The following OSBPL3 variants were observed in gnomAD, a reference collection of about 807,000 sequenced individuals.
OSBPL3 encodes oxysterol-binding protein-related protein 3.
A neutral mutation model predicts 120.1 loss-of-function variants in OSBPL3; 65 were observed. The ratio of observed to expected loss-of-function variants is 0.54; its 90% CI spans 0.44 to 0.67. The LOEUF is 0.67. Among genes scored for constraint, OSBPL3 ranks in the 30% least tolerant of loss-of-function variants. The pLI is 0.00. For synonymous variants in OSBPL3, 416 were observed against 402.6 expected, an observed-to-expected ratio of 1.03 and a Z score of -0.40; for missense variants, 1,004 against 1,082.1, an observed-to-expected ratio of 0.93 and a Z score of 1.01.
chr7:24,911,311 CGGAAGCTT>C (rs1808789839), intron 1 of OSBPL3, among the ~76,000 whole-genome samples: 1 of 152,140 alleles, frequency 6.6e-6, no homozygotes, highest in Non-Finnish European at 1.5e-5. Context: ...CAACTGCTTG[CGGAAGCTT>C]GGTAGAGTTT....
intron 10 of OSBPL3, among the ~76,000 whole-genome samples, chr7:24,856,494 G>A (rs1171006212): frequency 6.6e-6 from 1 of 152,152 alleles, no homozygotes; most frequent in African/African-American, 2.4e-5. Context: ...GGAGAAAGTA[G>A]TTATGAATGC....
rs539975270 is a variant in OSBPL3, at chr7:24,894,553, T to C, written c.-149-1932A>G. On this transcript the variant is annotated intron_variant, in intron 1 of 22. Transcript: ENST00000313367. This position sits in a 1 kb window ranked among gnomAD's most constrained non-coding sequence, Gnocchi z 4.1. Reference sequence around the variant, plus strand: ...GGTGGGAGCCCCAAATGATGAAATGTGTGTCTGTGCTTGGGGCGGGGAGGG... The same window carrying C: ...GGTGGGAGCCCCAAATGATGAAATGCGTGTCTGTGCTTGGGGCGGGGAGGG... Among the ~76,000 whole-genome samples, 1 of 151,888 alleles carries C rather than the reference T, an allele frequency of 6.6e-6. No homozygotes were observed. Among genetic ancestry groups the C allele is most frequent in the East Asian group, 1.9e-4 (1 of 5,184 alleles).
At chr7:24,842,507 A>G (rs764903053) in intron 12 of OSBPL3, 94 bp from the exon 13 acceptor site, 16 of 934,090 alleles carry the variant, frequency 1.7e-5, no homozygotes, top group Non-Finnish European at 2.6e-5. Flanking sequence ...ACAAGGTCAC[A>G]GGCCCATGCA....
chr7:24,805,762 T>C lies in OSBPL3; in HGVS notation c.2444+1014A>G, dbSNP rs1792950501. ...ACTGTTTCACATCTCTTTTAGGCATTTGCTAACAACAGTGTTCAATCCCTG... is the reference window on the plus strand; with the variant it reads ...ACTGTTTCACATCTCTTTTAGGCATCTGCTAACAACAGTGTTCAATCCCTG... On this transcript the variant is annotated intron_variant, in intron 21 of 22. Coordinates refer to ENST00000313367, the MANE Select transcript of OSBPL3 (RefSeq NM_015550.4). The surrounding 1 kb of genome is among the most constrained non-coding windows in gnomAD (Gnocchi z 4.0). Among the ~76,000 whole-genome samples, 1 of 152,216 alleles carries C rather than the reference T, an allele frequency of 6.6e-6. No homozygotes were observed. Among genetic ancestry groups the C allele is most frequent in the Admixed American group, 6.5e-5 (1 of 15,286 alleles).
Position 24,804,395 on chromosome 7 carries a change from C to T in OSBPL3, c.2487G>A (p.Lys829=), listed in dbSNP as rs1792769942. The T allele has an allele frequency of 6.2e-7, 1 of 1,613,830 alleles. No individual in the cohort carries two copies. The highest frequency in any genetic ancestry group is 8.5e-7 in the Non-Finnish European group (1 of 1,179,900). The part of the protein sequence containing the change: ...EGNLEEAEIQ[K]QRIEQLQRER... ...CTCTCTGCAGTTGTTCAATCCTCTG[C>T]TTTTGTATTTCAGCTTCTTCTAAGT... The change falls in exon 22 of 23, where the codon AAG becomes AAA. Residue 829 remains lysine (K), a synonymous_variant. Coordinates refer to ENST00000313367, the MANE Select transcript of OSBPL3 (RefSeq NM_015550.4). This position sits in a 1 kb window ranked among gnomAD's most constrained non-coding sequence, Gnocchi z 5.4.
In OSBPL3 at chr7:24,953,442, A is replaced by T. The variant is rs1490715604; in HGVS notation, c.-150+26444T>A. Among the ~76,000 whole-genome samples, 2 of 150,062 alleles carry T rather than the reference A, an allele frequency of 1.3e-5. No homozygotes were observed. The highest frequency in any genetic ancestry group is 3.0e-5 in the Non-Finnish European group (2 of 67,230). ...ATGTGTCTTATTAAAGTATTGTGTTAAAAAAAAAAGTATTACGTATCTGCT... is the reference window on the plus strand; with the variant it reads ...ATGTGTCTTATTAAAGTATTGTGTTTAAAAAAAAAGTATTACGTATCTGCT... On this transcript the variant is annotated intron_variant, in intron 1 of 22. Transcript: ENST00000313367. The surrounding 1 kb of genome is among the most constrained non-coding windows in gnomAD (Gnocchi z 4.3).
chr7:24,852,377 T>C lies in OSBPL3; in HGVS notation c.1158+127A>G. 2.7e-6 allele frequency: 2 copies of C among 747,410 alleles called. No homozygotes were observed. Among genetic ancestry groups the C allele is most frequent in the Non-Finnish European group, 3.9e-6 (2 of 510,552 alleles). The allele number at this position is 747,410 out of a possible 1,614,324, so 46.3% of individuals were successfully genotyped here. A position where few individuals can be genotyped will look rare whatever the true frequency, so the allele number is the denominator to read the frequency against. On this transcript the variant is annotated intron_variant, in intron 11 of 22. Transcript: ENST00000313367. This position sits in a 1 kb window ranked among gnomAD's most constrained non-coding sequence, Gnocchi z 4.1. ...TCAAATAAGCAGATTTGATGAAAGG[T>C]TAGAATATAATTTGGATAATTTGGT...
chr7:24,970,435 T>A (rs893788520), intron 1 of OSBPL3, among the ~76,000 whole-genome samples: 1 of 152,206 alleles, frequency 6.6e-6, no homozygotes, highest in African/African-American at 2.4e-5. Context: ...CTCAATCCCA[T>A]GTGCCCTTCA....
At position 24,863,886 on chromosome 7, in the gene OSBPL3, G is replaced by A. The variant is rs1425642657; in HGVS notation, c.674-287C>T. On this transcript the variant is annotated intron_variant, in intron 7 of 22. Transcript: ENST00000313367. This position sits in a 1 kb window ranked among gnomAD's most constrained non-coding sequence, Gnocchi z 5.8. ...CTCAACTTCCTCATCAGAAAGATGG[G>A]GATAATTATACATCACATGACAAGA... Among the ~76,000 whole-genome samples the A allele has an allele frequency of 6.6e-6, 1 of 152,040 alleles. No homozygotes were observed. Among genetic ancestry groups the A allele is most frequent in the Non-Finnish European group, 1.5e-5 (1 of 68,020 alleles).
In OSBPL3 at chr7:24,821,162, T is replaced by C. The variant is rs938328260; in HGVS notation, c.1885-924A>G. ...AAAGTTCTCTGATGTAGCTGATTCT[T>C]AACAGAGGTGTCTTACATTGAGAGT... On this transcript the variant is annotated intron_variant, in intron 16 of 22. Coordinates refer to ENST00000313367, the MANE Select transcript of OSBPL3 (RefSeq NM_015550.4). This position sits in a 1 kb window ranked among gnomAD's most constrained non-coding sequence, Gnocchi z 5.5. Among the ~76,000 whole-genome samples, 1 of 152,202 alleles carries C rather than the reference T, an allele frequency of 6.6e-6. No homozygotes were observed. Among genetic ancestry groups the C allele is most frequent in the Non-Finnish European group, 1.5e-5 (1 of 68,040 alleles).
intron 12 of OSBPL3, 53 bp from the exon 13 acceptor site, chr7:24,842,466 A>G: frequency 1.5e-6 from 2 of 1,353,094 alleles, no homozygotes; most frequent in Non-Finnish European, 2.1e-6. Context: ...TTCTCAAGAG[A>G]AAGAAAATAA....
chr7:24,868,189 C>T (rs1378143850), intron 5 of OSBPL3, among the ~76,000 whole-genome samples: 9 of 151,580 alleles, frequency 5.9e-5, no homozygotes, highest in Admixed American at 2.0e-4. Context: ...TGGTGGTGTG[C>T]GCCTGTAGTC....
rs1305784222 is a variant in OSBPL3 at position 24,883,538 on chromosome 7, A to C, written c.96+8839T>G. Among the ~76,000 whole-genome samples the C allele has an allele frequency of 6.6e-6, 1 of 152,122 alleles. No individual in the cohort carries two copies. The highest frequency in any genetic ancestry group is 1.5e-5 in the Non-Finnish European group (1 of 68,018). On this transcript the variant is annotated intron_variant, in intron 2 of 22. Transcript: ENST00000313367. The surrounding 1 kb of genome is among the most constrained non-coding windows in gnomAD (Gnocchi z 5.4). ...CAGGGTTCTGCCTTCCTGTATCTTA[A>C]ATGTGCCCACTGCCAACCATGAATA...
Position 24,855,841 on chromosome 7 carries a change from C to T in OSBPL3, c.1028-3207G>A, listed in dbSNP as rs1467373268. ...AATGAGTGCATCACATCTATGGTTACCTGACAATAAATAAAGCCACACAGA... is the reference window on the plus strand; with the variant it reads ...AATGAGTGCATCACATCTATGGTTATCTGACAATAAATAAAGCCACACAGA... On this transcript the variant is annotated intron_variant, in intron 10 of 22. Transcript: ENST00000313367. The surrounding 1 kb of genome is among the most constrained non-coding windows in gnomAD (Gnocchi z 4.3). 6.6e-6 allele frequency among the ~76,000 whole-genome samples: 1 copy of T among 152,140 alleles called. No homozygotes were observed.
rs530496078 is a variant in OSBPL3, at chr7:24,939,891, G to A, written c.-150+39995C>T. The stretch of plus-strand genomic sequence containing the variant: ...TAGGACAAATATCTAATGCATGCAG[G>A]TCTTAAAACCTAGATGATGGGTTGG... On this transcript the variant is annotated intron_variant, in intron 1 of 22. Coordinates refer to ENST00000313367, the MANE Select transcript of OSBPL3 (RefSeq NM_015550.4). The surrounding 1 kb of genome is among the most constrained non-coding windows in gnomAD (Gnocchi z 4.2). Among the ~76,000 whole-genome samples, 130 of 152,274 alleles carry A rather than the reference G, an allele frequency of 8.5e-4. No individual in the cohort carries two copies. The highest frequency in any genetic ancestry group is 3.1e-3 in the African/African-American group (129 of 41,542).
rs142720310 is a variant in OSBPL3, at chr7:24,938,779, A to ATGTGTGTGTGTG, written c.-150+41095_-150+41106dup. Among the ~76,000 whole-genome samples the ATGTGTGTGTGTG allele has an allele frequency of 2.1e-5, 2 of 94,232 alleles. No individual in the cohort carries two copies. The highest frequency in any genetic ancestry group is 8.2e-5 in the African/African-American group (2 of 24,468). The allele number at this position is 94,232 out of a possible 152,430, so 61.8% of individuals were successfully genotyped here. A position where few individuals can be genotyped will look rare whatever the true frequency, so the allele number is the denominator to read the frequency against. ...AACTGAATAATGAGGTTTTGTTTTG[A>ATGTGTGTGTGTG]TGTGTGTGTGTGTGTGTGTGTGTGT... On this transcript the variant is annotated intron_variant, in intron 1 of 22. Coordinates refer to ENST00000313367, the MANE Select transcript of OSBPL3 (RefSeq NM_015550.4). The surrounding 1 kb of genome is among the most constrained non-coding windows in gnomAD (Gnocchi z 5.8).
At position 24,871,948 on chromosome 7, in the gene OSBPL3, C is replaced by T. The variant is rs2128285275; in HGVS notation, c.213+5G>A. 2 of 1,604,942 alleles carry T rather than the reference C, an allele frequency of 1.2e-6. No individual in the cohort carries two copies. The highest frequency in any genetic ancestry group is 1.7e-6 in the Non-Finnish European group (2 of 1,171,862). On this transcript the variant is annotated splice_donor_5th_base_variant and intron_variant, in intron 3 of 22. Coordinates refer to ENST00000313367, the MANE Select transcript of OSBPL3 (RefSeq NM_015550.4). This position sits in a 1 kb window ranked among gnomAD's most constrained non-coding sequence, Gnocchi z 4.8. Reference sequence around the variant, plus strand: ...AAATAAAGGGGAGGCCAAGACCAACCTTACCTTATGCCAGCCTTTTAAGGG... The same window carrying T: ...AAATAAAGGGGAGGCCAAGACCAACTTTACCTTATGCCAGCCTTTTAAGGG...
chr7:24,931,479 G>A (rs971318123), intron 1 of OSBPL3, among the ~76,000 whole-genome samples: 1 of 152,132 alleles, frequency 6.6e-6, no homozygotes, highest in African/African-American at 2.4e-5. Context: ...AAGGCAATGT[G>A]ATGATGGAAA....
chr7:24,893,009 T>G (rs1342397496), intron 1 of OSBPL3, among the ~76,000 whole-genome samples: 1 of 152,224 alleles, frequency 6.6e-6, no homozygotes, highest in Admixed American at 6.5e-5. Context: ...CCTCAGACAT[T>G]GCTGGTGGAA....
Sources: allele counts gnomAD v4.1 joint callset (sites outside exome capture counted in the v4.1 genomes callset), GRCh38; gene constraint gnomAD v4.1.1; non-coding constraint Gnocchi (gnomAD v3.1); transcripts MANE v1.5; gene names NCBI Gene and HGNC (gene_info 2026-07-23, HGNC 2026-07-21).